Variants in PRKCE observed in about 807,000 individuals in gnomAD.
PRKCE encodes protein kinase C epsilon type.
A neutral mutation model predicts 85.4 loss-of-function variants in PRKCE; 16 were observed. That is an observed-to-expected ratio of 0.19 (90% CI 0.13 to 0.28). PRKCE has a LOEUF of 0.28. Among genes scored for constraint, PRKCE ranks in the 10% least tolerant of loss-of-function variants. The pLI is 1.00. For synonymous variants in PRKCE, 388 were observed against 371.5 expected, an observed-to-expected ratio of 1.04 and a Z score of -0.51; for missense variants, 573 against 975.2, an observed-to-expected ratio of 0.59 and a Z score of 5.49.
intron 10 of PRKCE, among the ~76,000 whole-genome samples, chr2:46,058,856 C>T (rs1666852512): frequency 6.6e-6 from 1 of 152,156 alleles, no homozygotes; most frequent in South Asian, 2.1e-4. Context: ...CCACCACACA[C>T]TCAGCTAATT....
At chr2:46,108,929 T>A (rs990039045) in intron 11 of PRKCE, among the ~76,000 whole-genome samples, 1 of 151,354 alleles carries the variant, frequency 6.6e-6, no homozygotes, top group South Asian at 2.1e-4. Context: ...GATGTCCAGT[T>A]GTTCAAGCAC....
At chr2:45,745,449 C>T in intron 1 of PRKCE, among the ~76,000 whole-genome samples, 1 of 152,108 alleles carries the variant, frequency 6.6e-6, no homozygotes, top group East Asian at 1.9e-4. Flanking sequence ...CCCCTCTGCC[C>T]CACCCACATC....
chr2:45,684,924 C>G (rs1278271089), intron 1 of PRKCE, among the ~76,000 whole-genome samples: 1 of 152,182 alleles, frequency 6.6e-6, no homozygotes, highest in African/African-American at 2.4e-5. Flanking sequence ...AAGGTAGACT[C>G]CCAGGTGAGG....
At chr2:46,150,201 A>G (rs1291682383) in intron 12 of PRKCE, among the ~76,000 whole-genome samples, 1 of 152,162 alleles carries the variant, frequency 6.6e-6, no homozygotes, top group Non-Finnish European at 1.5e-5. Flanking sequence ...CATTTAATCT[A>G]AGTGAATTTG....
At chr2:45,701,263 G>A (rs996923248) in intron 1 of PRKCE, 2 of 152,180 alleles carry the variant, frequency 1.3e-5, no homozygotes, top group African/African-American at 2.4e-5. Context: ...GTGTGTGATG[G>A]GGTAGGGTTT....
intron 1 of PRKCE, among the ~76,000 whole-genome samples, chr2:45,720,970 G>T (rs1165306225): frequency 6.6e-6 from 1 of 152,138 alleles, no homozygotes; most frequent in Non-Finnish European, 1.5e-5. Context: ...AGCCGTGTGT[G>T]GTGGCATGCA....
At position 45,888,465 on chromosome 2, in the gene PRKCE, C is replaced by CTTTTTT. The variant is rs34871432; in HGVS notation, c.412+45421_412+45426dup. On this transcript the variant is annotated intron_variant, in intron 2 of 14. Coordinates refer to ENST00000306156, the MANE Select transcript of PRKCE (RefSeq NM_005400.3). ...TGCAGAAGTAGTATTTCCCAACAGT[C>CTTTTTT]TTTTTTTTTTTTTTTTTTTTTTTTG... 1.4e-3 allele frequency among the ~76,000 whole-genome samples: 105 copies of CTTTTTT among 74,740 alleles called. 1 individual carries two copies. The highest frequency in any genetic ancestry group is 1.7e-3 in the African/African-American group (32 of 19,070). The allele number at this position is 74,740 out of a possible 152,430, so 49.0% of individuals were successfully genotyped here. A position where few individuals can be genotyped will look rare whatever the true frequency, so the allele number is the denominator to read the frequency against.
At chr2:46,085,994 C>T (rs570063458) in intron 10 of PRKCE, among the ~76,000 whole-genome samples, 44 of 152,224 alleles carry the variant, frequency 2.9e-4, no homozygotes, top group East Asian at 5.8e-4. Context: ...CCACCGAAGG[C>T]GGACAGAGAA....
At chr2:46,019,576 C>A (rs1706462339) in intron 10 of PRKCE, among the ~76,000 whole-genome samples, 1 of 152,182 alleles carries the variant, frequency 6.6e-6, no homozygotes, top group Non-Finnish European at 1.5e-5. Flanking sequence ...TCAAAGTGTT[C>A]TAAATAATTT....
intron 1 of PRKCE, among the ~76,000 whole-genome samples, chr2:45,787,316 T>C (rs924046936): frequency 7.9e-5 from 12 of 151,918 alleles, no homozygotes; most frequent in African/African-American, 2.7e-4. Context: ...AATAGCCTAG[T>C]AGGATAAAAT....
chr2:45,884,999 A>ATTTTTTTTTTTT (rs1265565855), intron 2 of PRKCE, among the ~76,000 whole-genome samples: 5 of 63,266 alleles, frequency 7.9e-5, no homozygotes, highest in East Asian at 5.9e-4. Context: ...ATATATATAT[A>ATTTTTTTTTTTT]TATTTGTTGT....
intron 11 of PRKCE, among the ~76,000 whole-genome samples, chr2:46,108,052 C>A (rs144561791): frequency 3.9e-5 from 6 of 152,322 alleles, no homozygotes; most frequent in African/African-American, 1.4e-4. Flanking sequence ...CTCAGTCACC[C>A]AAGTAGCTGG....
At position 46,187,097 on chromosome 2, in the gene PRKCE, C is replaced by T. The variant is rs924002365; in HGVS notation, c.*2216C>T. ...TTTAGGAAGACATGATAATACTGCC[C>T]ATCATATTCATGTGTAACTACTGTT... is the stretch of plus-strand genomic sequence containing the variant. On this transcript the variant is annotated 3_prime_UTR_variant, in exon 15 of 15. Transcript: ENST00000306156. The T allele has an allele frequency of 1.3e-5, 2 of 152,610 alleles. No individual in the cohort carries two copies. Among genetic ancestry groups the T allele is most frequent in the African/African-American group, 4.8e-5 (2 of 41,428 alleles). 9.5% of individuals were successfully genotyped at this position (152,610 alleles called of 1,614,324 possible).
At chr2:45,718,227 C>T (rs1212391852) in intron 1 of PRKCE, among the ~76,000 whole-genome samples, 2 of 151,978 alleles carry the variant, frequency 1.3e-5, no homozygotes, top group Non-Finnish European at 2.9e-5. Flanking sequence ...TGTCTTTAGA[C>T]ATTACCAAAT....
intron 2 of PRKCE, among the ~76,000 whole-genome samples, chr2:45,857,635 A>G (rs560314149): frequency 5.6e-4 from 84 of 151,100 alleles, no homozygotes; most frequent in African/African-American, 1.9e-3. Context: ...CTGGTCTTGA[A>G]CTCCTGAGCT....
In PRKCE at chr2:45,858,520, A is replaced by G. The variant is rs774002686; in HGVS notation, c.412+15457A>G. Among the ~76,000 whole-genome samples, 60 of 152,024 alleles carry G rather than the reference A, an allele frequency of 3.9e-4. 1 individual carries two copies. The highest frequency in any genetic ancestry group is 5.6e-4 in the Non-Finnish European group (38 of 68,020). ...ACTTATATTGTATATCATGGGTCAT[A>G]TGTCCCTATGATCCAGCTTTAAAAT... On this transcript the variant is annotated intron_variant, in intron 2 of 14. Transcript: ENST00000306156.
chr2:45,795,740 G>A (rs1288803234), intron 1 of PRKCE, among the ~76,000 whole-genome samples: 1 of 152,204 alleles, frequency 6.6e-6, no homozygotes, highest in African/African-American at 2.4e-5. Flanking sequence ...TCAGCAGGGT[G>A]CTTCCTGGGA....
intron 2 of PRKCE, among the ~76,000 whole-genome samples, chr2:45,930,813 C>T (rs559368794): frequency 1.3e-5 from 2 of 152,076 alleles, no homozygotes; most frequent in Non-Finnish European, 2.9e-5. Context: ...TAGGAAGTTT[C>T]GAGGAGATAA....
chr2:46,170,752 C>T (rs548842621), intron 14 of PRKCE, among the ~76,000 whole-genome samples: 1 of 152,290 alleles, frequency 6.6e-6, no homozygotes, highest in African/African-American at 2.4e-5. Context: ...AGGTGGGTGA[C>T]CTCGTCTTGA....
Sources: allele counts gnomAD v4.1 joint callset (sites outside exome capture counted in the v4.1 genomes callset), GRCh38; gene constraint gnomAD v4.1.1; transcripts MANE v1.5; gene names NCBI Gene and HGNC (gene_info 2026-07-23, HGNC 2026-07-21).